The following PTPRD variants were observed in gnomAD, a reference collection of about 807,000 sequenced individuals.
PTPRD encodes the protein receptor-type tyrosine-protein phosphatase delta.
In PTPRD, 34 loss-of-function variants were observed where a neutral mutation model predicts 214.5. The observed-to-expected ratio is 0.16, with a 90% CI of 0.12 to 0.21. PTPRD has a LOEUF of 0.21. Ranked by LOEUF, PTPRD falls within the 10% of genes least tolerant of loss-of-function variation. The pLI, the probability that PTPRD is intolerant of heterozygous loss-of-function variation, is 1.00. For missense variants in PTPRD, 2,545 were observed against 2,398.7 expected (o/e 1.06, Z -1.27); for synonymous variants, 1,128 against 845.7 (o/e 1.33, Z -5.79).
intron 11 of PTPRD, among the ~76,000 whole-genome samples, chr9:8,858,834 C>CACACAT (rs2098026546): frequency 1.4e-5 from 2 of 147,398 alleles, no homozygotes; most frequent in Non-Finnish European, 3.0e-5. Flanking sequence ...CACACATACA[C>CACACAT]ACACACAGAC....
intron 34 of PTPRD, among the ~76,000 whole-genome samples, chr9:8,442,236 T>C (rs1310670032): frequency 6.6e-6 from 1 of 152,228 alleles, no homozygotes; most frequent in Non-Finnish European, 1.5e-5. Flanking sequence ...ATGGTATTTT[T>C]GCTTTTCAAA....
chr9:10,219,139 T>C (rs2099554577), intron 3 of PTPRD, among the ~76,000 whole-genome samples: 1 of 151,824 alleles, frequency 6.6e-6, no homozygotes, highest in Non-Finnish European at 1.5e-5. Context: ...GGGGATCTGA[T>C]AGACATCTTC....
At chr9:9,578,985 T>C (rs1167739155) in intron 7 of PTPRD, among the ~76,000 whole-genome samples, 3 of 152,142 alleles carry the variant, frequency 2.0e-5, no homozygotes, top group African/African-American at 7.2e-5. Context: ...ACTTTATAGA[T>C]AAAACTGAGC....
At chr9:8,992,491 G>C (rs909619831) in intron 11 of PTPRD, among the ~76,000 whole-genome samples, 1 of 152,148 alleles carries the variant, frequency 6.6e-6, no homozygotes, top group African/African-American at 2.4e-5. Flanking sequence ...TAGAGAGAAT[G>C]TCACTGTAAG....
intron 11 of PTPRD, among the ~76,000 whole-genome samples, chr9:9,006,509 G>A (rs2154358873): frequency 6.6e-6 from 1 of 152,094 alleles, no homozygotes; most frequent in Admixed American, 6.6e-5. Context: ...ATCTCTGTAA[G>A]TGACTTCTTC....
chr9:8,912,004 A>G (rs970051170), intron 11 of PTPRD, among the ~76,000 whole-genome samples: 1 of 152,186 alleles, frequency 6.6e-6, no homozygotes, highest in Admixed American at 6.5e-5. Context: ...ACTAACAGTA[A>G]CAAGTACTGG....
chr9:8,572,582 G>T (rs901371603), intron 14 of PTPRD, among the ~76,000 whole-genome samples: 3 of 151,958 alleles, frequency 2.0e-5, no homozygotes, highest in African/African-American at 7.2e-5. Context: ...AAAAAAGGAA[G>T]AAATTAACAT....
chr9:9,902,918 G>A (rs1165019107), intron 5 of PTPRD, among the ~76,000 whole-genome samples: 1 of 152,090 alleles, frequency 6.6e-6, no homozygotes, highest in Non-Finnish European at 1.5e-5. Context: ...AATATCAAAA[G>A]TGTGACGTTG....
chr9:8,578,344 C>G (rs1594356724), intron 14 of PTPRD, among the ~76,000 whole-genome samples: 1 of 152,142 alleles, frequency 6.6e-6, no homozygotes, highest in East Asian at 1.9e-4. Flanking sequence ...GTTGATCGAA[C>G]AGAGCCCCCA....
chr9:10,507,262 T>G (rs201160448), intron 2 of PTPRD, among the ~76,000 whole-genome samples: 16 of 152,092 alleles, frequency 1.1e-4, no homozygotes, highest in South Asian at 4.2e-4. Flanking sequence ...ACCTCTTCAA[T>G]GATAACTACA....
intron 10 of PTPRD, among the ~76,000 whole-genome samples, chr9:9,131,566 C>G (rs188927764): frequency 7.0e-4 from 106 of 152,264 alleles, no homozygotes; most frequent in African/African-American, 2.0e-3. Context: ...AAGAATTTCC[C>G]TCCATAAATA....
At chr9:10,443,518 T>C (rs1217138193) in intron 2 of PTPRD, among the ~76,000 whole-genome samples, 1 of 151,670 alleles carries the variant, frequency 6.6e-6, no homozygotes, top group Non-Finnish European at 1.5e-5. Context: ...AGAAATATTC[T>C]GAATAAAGTA....
chr9:10,384,748 A>T (rs1229450873), intron 2 of PTPRD, among the ~76,000 whole-genome samples: 1 of 142,222 alleles, frequency 7.0e-6, no homozygotes, highest in Non-Finnish European at 1.5e-5. Context: ...AACTGAAAAA[A>T]GGATAATCTC....
intron 8 of PTPRD, among the ~76,000 whole-genome samples, chr9:9,505,770 CAG>C (rs1162725291): frequency 4.0e-5 from 6 of 151,378 alleles, no homozygotes; most frequent in Non-Finnish European, 8.9e-5. Context: ...ATATTTATAA[CAG>C]TGATAAACCT....
chr9:8,739,037 T>C (rs914258591), intron 11 of PTPRD, among the ~76,000 whole-genome samples: 1 of 152,242 alleles, frequency 6.6e-6, no homozygotes, highest in Non-Finnish European at 1.5e-5. Flanking sequence ...TGAATGTGGC[T>C]TCTAATTATT....
At chr9:8,524,572 T>TAATAAGGAAAC (rs1242222245) in intron 18 of PTPRD, among the ~76,000 whole-genome samples, 1 of 151,794 alleles carries the variant, frequency 6.6e-6, no homozygotes, top group East Asian at 1.9e-4. Flanking sequence ...TTCAGGGGTT[T>TAATAAGGAAAC]AATAAGGAAA....
chr9:9,067,867 G>A (rs2099737382), intron 10 of PTPRD, among the ~76,000 whole-genome samples: 1 of 151,972 alleles, frequency 6.6e-6, no homozygotes, highest in African/African-American at 2.4e-5. Flanking sequence ...TTAGTTCTAT[G>A]CAATTTTATC....
intron 8 of PTPRD, among the ~76,000 whole-genome samples, chr9:9,461,879 G>T (rs1374737027): frequency 6.6e-6 from 1 of 152,016 alleles, no homozygotes; most frequent in Non-Finnish European, 1.5e-5. Context: ...TGATCCTTCA[G>T]GTCTCAATTT....
At chr9:9,304,335 A>C (rs1308528395) in intron 9 of PTPRD, among the ~76,000 whole-genome samples, 1 of 152,160 alleles carries the variant, frequency 6.6e-6, no homozygotes, top group Non-Finnish European at 1.5e-5. Flanking sequence ...ATAATCTTTC[A>C]AAGAACATGA....
Sources: allele counts gnomAD v4.1 joint callset (sites outside exome capture counted in the v4.1 genomes callset), GRCh38; gene constraint gnomAD v4.1.1; transcripts MANE v1.5; gene names NCBI Gene and HGNC (gene_info 2026-07-23, HGNC 2026-07-21).